Variants in SORT1 observed in about 807,000 individuals in gnomAD.
SORT1 encodes sortilin 1.
In SORT1, 39 loss-of-function variants were observed where a neutral mutation model predicts 101.7. The observed-to-expected ratio is 0.38, with a 90% CI of 0.30 to 0.50. The LOEUF (loss-of-function observed/expected upper bound fraction) is 0.50, where lower values mean the gene tolerates loss of function less well. Among genes scored for constraint, SORT1 ranks in the 20% least tolerant of loss-of-function variants. The probability of loss-of-function intolerance (pLI) is 0.90; values close to 1 mark genes in which losing one functional copy is unlikely to be tolerated. For missense variants in SORT1, 878 were observed against 1,040.4 expected (o/e 0.84, Z 2.15); for synonymous variants, 396 against 393.7 (o/e 1.01, Z -0.07).
At position 109,369,509 on chromosome 1, in the gene SORT1, C is replaced by G. The variant is rs886793842; in HGVS notation, c.366+21G>C. 1.1e-5 allele frequency: 16 copies of G among 1,515,386 alleles called. No individual in the cohort carries two copies. In the East Asian group the frequency reaches 3.4e-4, roughly 32 times the overall value. The allele number at this position is 1,515,386 out of a possible 1,614,324, so 93.9% of individuals were successfully genotyped here. ...TCATCTTCTTGCTGGGCTGAAATAACAGACTCAAAATATGACTTACCCCAG... is the reference window on the plus strand; with the variant it reads ...TCATCTTCTTGCTGGGCTGAAATAAGAGACTCAAAATATGACTTACCCCAG... On this transcript the variant is annotated intron_variant, in intron 2 of 19. Coordinates refer to ENST00000256637, the MANE Select transcript of SORT1 (RefSeq NM_002959.7).
At chr1:109,326,279 T>C (rs113717048) in intron 13 of SORT1, among the ~76,000 whole-genome samples, 206 of 145,764 alleles carry the variant, frequency 1.4e-3, no homozygotes, top group African/African-American at 4.9e-3. Flanking sequence ...TCTTGAACTC[T>C]TGGGCTCAAG....
At chr1:109,381,531 G>A (rs1652234894) in intron 1 of SORT1, among the ~76,000 whole-genome samples, 1 of 152,040 alleles carries the variant, frequency 6.6e-6, no homozygotes, top group African/African-American at 2.4e-5. Flanking sequence ...TAAAAAGCAG[G>A]CTACAAAACA....
chr1:109,339,170 C>T (rs1015630393), intron 10 of SORT1, among the ~76,000 whole-genome samples: 7 of 152,184 alleles, frequency 4.6e-5, no homozygotes, highest in African/African-American at 7.2e-5. Context: ...AGCCACCGCG[C>T]CCAGCGACTC....
chr1:109,366,910 CAA>C (rs34860640), intron 3 of SORT1: 79 of 141,530 alleles, frequency 5.6e-4, no homozygotes, highest in Non-Finnish European at 7.2e-4. Flanking sequence ...AGACCCTGCT[CAA>C]AAAAAAAAAA....
At chr1:109,326,871 T>C in intron 13 of SORT1, 121 bp downstream of exon 13, 1 of 689,382 alleles carries the variant, frequency 1.5e-6, no homozygotes. Flanking sequence ...GAATCTTATC[T>C]ATAGTTCTGT....
chr1:109,336,734 G>A (rs1376376168), intron 10 of SORT1, among the ~76,000 whole-genome samples: 2 of 151,630 alleles, frequency 1.3e-5, no homozygotes, highest in Non-Finnish European at 2.9e-5. Context: ...ACTTGAACCC[G>A]GGAGGTGGGG....
intron 7 of SORT1, among the ~76,000 whole-genome samples, chr1:109,346,294 C>G (rs1649589667): frequency 7.3e-6 from 1 of 137,708 alleles, no homozygotes; most frequent in African/African-American, 2.8e-5. Context: ...GCCTGTATGA[C>G]AGAGCAAGAC....
chr1:109,314,858 C>A, intron 17 of SORT1, 80 bp from the exon 18 acceptor site: 1 of 729,666 alleles, frequency 1.4e-6, no homozygotes, highest in Non-Finnish European at 2.4e-6. Context: ...ACTCATTCCC[C>A]TCATCTCTTT....
intron 7 of SORT1, 81 bp from the exon 8 acceptor site, chr1:109,345,962 A>T: frequency 8.4e-7 from 1 of 1,185,466 alleles, no homozygotes; most frequent in Non-Finnish European, 1.2e-6. Context: ...ATCAATCTTA[A>T]TTTTATAGCT....
intron 10 of SORT1, among the ~76,000 whole-genome samples, chr1:109,339,034 C>T (rs1297329177): frequency 3.3e-5 from 5 of 152,094 alleles, no homozygotes; most frequent in South Asian, 2.1e-4. Context: ...TCCACCACCA[C>T]GCCCAGCTAA....
In SORT1 at chr1:109,397,603, G is replaced by T; in HGVS notation, c.290C>A (p.Ala97Asp). The T allele has an allele frequency of 7.8e-7, 1 of 1,276,404 alleles. No homozygotes were observed. Among genetic ancestry groups the T allele is most frequent in the African/African-American group, 1.6e-5 (1 of 62,572 alleles). 79.1% of individuals were successfully genotyped at this position (1,276,404 alleles called of 1,614,324 possible). A position where few individuals can be genotyped will look rare whatever the true frequency, so the allele number is the denominator to read the frequency against. The change falls in exon 1 of 20, where the codon GCC becomes GAC. Residue 97 changes from alanine to aspartate, a missense_variant. Coordinates refer to ENST00000256637, the MANE Select transcript of SORT1 (RefSeq NM_002959.7). ...CCCGCTCACCTGGTGCGTGTTGTTG[G>T]CCAGCTTGGCGACGAAGTCCCGGAC... is the stretch of plus-strand genomic sequence containing the variant. Reference protein sequence around the residue: ...GRVRDFVAKLANNTHQHVFDD... With the variant: ...GRVRDFVAKLDNNTHQHVFDD...
At chr1:109,372,023 T>C (rs750971310) in intron 1 of SORT1, among the ~76,000 whole-genome samples, 1 of 152,112 alleles carries the variant, frequency 6.6e-6, no homozygotes, top group Non-Finnish European at 1.5e-5. Context: ...GAAAAGGTCA[T>C]ATGGAAAGGA....
intron 5 of SORT1, among the ~76,000 whole-genome samples, chr1:109,353,469 C>T (rs1650104056): frequency 6.6e-6 from 1 of 152,108 alleles, no homozygotes; most frequent in South Asian, 2.1e-4. Context: ...CCTTCGTCCT[C>T]CTATGTCATC....
intron 1 of SORT1, among the ~76,000 whole-genome samples, chr1:109,382,891 G>A (rs1450004549): frequency 1.3e-5 from 2 of 152,066 alleles, no homozygotes; most frequent in Non-Finnish European, 1.5e-5. Flanking sequence ...AAAGCAGGGG[G>A]CCCCCATACT....
intron 1 of SORT1, among the ~76,000 whole-genome samples, chr1:109,374,147 A>T (rs2101634321): frequency 6.6e-6 from 1 of 152,332 alleles, no homozygotes; most frequent in South Asian, 2.1e-4. Flanking sequence ...ACCCATAATG[A>T]AGAGAAAAAT....
Position 109,312,524 on chromosome 1 carries a change from A to G in SORT1, c.*1519T>C, listed in dbSNP as rs1658788431. 1 of 152,362 alleles carries G rather than the reference A, an allele frequency of 6.6e-6. No individual in the cohort carries two copies. The highest frequency in any genetic ancestry group is 6.6e-5 in the Admixed American group (1 of 15,260). 9.4% of individuals were successfully genotyped at this position (152,362 alleles called of 1,614,324 possible). On this transcript the variant is annotated 3_prime_UTR_variant, in exon 20 of 20. Transcript: ENST00000256637. ...TTTGGCACTTCAAATAAAAAAAAAA[A>G]AAAACACACAAAACTGACTTTCTAG... is the stretch of plus-strand genomic sequence containing the variant.
rs1042467120 is a variant in SORT1, at chr1:109,376,892, C to G, written c.307-7303G>C. ...TAAATCTAAAAGTTGAAAAATGCAA[C>G]TTTCAAAAAGGAAAAGTTCTGTGTT... On this transcript the variant is annotated intron_variant, in intron 1 of 19. Coordinates refer to ENST00000256637, the MANE Select transcript of SORT1 (RefSeq NM_002959.7). Among the ~76,000 whole-genome samples the G allele has an allele frequency of 3.9e-5, 6 of 152,174 alleles. 1 individual carries two copies. The highest frequency in any genetic ancestry group is 2.0e-4 in the Admixed American group (3 of 15,272).
At chr1:109,391,284 C>A (rs577052543) in intron 1 of SORT1, among the ~76,000 whole-genome samples, 1 of 152,116 alleles carries the variant, frequency 6.6e-6, no homozygotes, top group Non-Finnish European at 1.5e-5. Context: ...TAGTAAAACA[C>A]CCCTAAATGT....
At chr1:109,374,597 A>G (rs973608881) in intron 1 of SORT1, among the ~76,000 whole-genome samples, 2 of 152,086 alleles carry the variant, frequency 1.3e-5, no homozygotes, top group Admixed American at 6.6e-5. Context: ...TCAAAAAAAA[A>G]AAGAAAGAAA....
Sources: allele counts gnomAD v4.1 joint callset (sites outside exome capture counted in the v4.1 genomes callset), GRCh38; gene constraint gnomAD v4.1.1; transcripts MANE v1.5; gene names NCBI Gene and HGNC (gene_info 2026-07-23, HGNC 2026-07-21).